The following SVEP1 variants were observed in gnomAD, a reference collection of about 807,000 sequenced individuals.
The protein encoded by SVEP1 is sushi, von Willebrand factor type A, EGF and pentraxin domain containing 1, also known as sushi, von Willebrand factor type A, EGF and pentraxin domain-containing protein 1.
In SVEP1, 164 loss-of-function variants were observed where a neutral mutation model predicts 367.3. That is an observed-to-expected ratio of 0.45 (90% CI 0.39 to 0.51). The LOEUF is 0.51. SVEP1 is among the 20% of genes least tolerant of loss of function. SVEP1 has a pLI of 0.00. For missense variants in SVEP1, 4,117 were observed against 4,425.3 expected (o/e 0.93, Z 1.98); for synonymous variants, 1,666 against 1,611.6 (o/e 1.03, Z -0.81).
intron 40 of SVEP1, among the ~76,000 whole-genome samples, chr9:110,397,217 A>G (rs796960308): frequency 2.0e-5 from 3 of 152,170 alleles, no homozygotes; most frequent in Non-Finnish European, 2.9e-5. Flanking sequence ...GTAATCCAGC[A>G]TATAAACAGA....
chr9:110,398,738 GA>G (rs1260865405), intron 40 of SVEP1, among the ~76,000 whole-genome samples: 1 of 152,166 alleles, frequency 6.6e-6, no homozygotes, highest in Non-Finnish European at 1.5e-5. Flanking sequence ...AAACACTCAT[GA>G]AAAAATGCTC....
chr9:110,565,022 G>A (rs1279077934), intron 1 of SVEP1, among the ~76,000 whole-genome samples: 1 of 152,120 alleles, frequency 6.6e-6, no homozygotes, highest in Non-Finnish European at 1.5e-5. Flanking sequence ...TACCATACTT[G>A]AAGAAAGATT....
At position 110,379,523 on chromosome 9, in the gene SVEP1, G is replaced by A. The variant is rs1374929247; in HGVS notation, c.10238-6C>T. Reference sequence around the variant, plus strand: ...TGGTGGACCACATGAGATTTCTACAGGATAACAAAACAACAATTAAGCTTG... The same window carrying A: ...TGGTGGACCACATGAGATTTCTACAAGATAACAAAACAACAATTAAGCTTG... On this transcript the variant is annotated splice_polypyrimidine_tract_variant and splice_region_variant and intron_variant, in intron 43 of 47. Transcript: ENST00000374469. 2.5e-6 allele frequency: 4 copies of A among 1,613,172 alleles called. No homozygotes were observed. The highest frequency in any genetic ancestry group is 2.7e-5 in the African/African-American group (2 of 74,908).
At chr9:110,397,038 C>T (rs1023227092) in intron 40 of SVEP1, among the ~76,000 whole-genome samples, 42 of 151,810 alleles carry the variant, frequency 2.8e-4, no homozygotes, top group Non-Finnish European at 5.3e-4. Flanking sequence ...GAGACACAAC[C>T]AAAAAAGAGA....
chr9:110,450,023 TA>T (rs1417765629), intron 24 of SVEP1, 35 bp downstream of exon 24: 1 of 1,607,388 alleles, frequency 6.2e-7, no homozygotes, highest in African/African-American at 1.3e-5. Flanking sequence ...GTTTAAAAAA[TA>T]AAAACAGTGA....
At chr9:110,509,695 G>A (rs1829679116) in intron 5 of SVEP1, among the ~76,000 whole-genome samples, 1 of 151,926 alleles carries the variant, frequency 6.6e-6, no homozygotes, top group Non-Finnish European at 1.5e-5. Flanking sequence ...AATATGAAGT[G>A]ACAGAAGCAG....
rs1308038317 is a variant in SVEP1 at position 110,392,151 on chromosome 9, A to ATATATATATATATATATATATATATATC, written c.9823-2565_9823-2564insGATATATATATATATATATATATATATA. On this transcript the variant is annotated intron_variant, in intron 40 of 47. Transcript: ENST00000374469. ...TTCCTCATTATATATATATATATAT[A>ATATATATATATATATATATATATATATC]TATCTCTTCTCTCTCTCTCCTATTG... 1.6e-3 allele frequency among the ~76,000 whole-genome samples: 237 copies of ATATATATATATATATATATATATATATC among 145,936 alleles called. 5 individuals carry two copies. The highest frequency in any genetic ancestry group is 5.9e-3 in the African/African-American group (220 of 37,304).
Position 110,512,365 on chromosome 9 carries a change from A to G in SVEP1, c.1303+561T>C, listed in dbSNP as rs1170264186. On this transcript the variant is annotated intron_variant, in intron 5 of 47. Coordinates refer to ENST00000374469, the MANE Select transcript of SVEP1 (RefSeq NM_153366.4). ...GCAAGTTGAGGCAGATTGAGGCACT[A>G]TTTTTTTTTTTTTATTGCTTCTCTG... Among the ~76,000 whole-genome samples the G allele has an allele frequency of 4.9e-5, 7 of 143,716 alleles. No homozygotes were observed. In the Admixed American group the frequency reaches 4.9e-4, roughly 10 times the overall value. The allele number at this position is 143,716 out of a possible 152,430, so 94.3% of individuals were successfully genotyped here. A position where few individuals can be genotyped will look rare whatever the true frequency, so the allele number is the denominator to read the frequency against.
Position 110,402,104 on chromosome 9 carries a change from ATAT to A in SVEP1, c.9667-1098_9667-1096del, listed in dbSNP as rs1395078401. The stretch of plus-strand genomic sequence containing the variant: ...AACACCAGTAACTGTTAAAAGCTAC[ATAT>A]TATTGTTTTCTTTTGCTATATGTGA... On this transcript the variant is annotated intron_variant, in intron 39 of 47. Transcript: ENST00000374469. Among the ~76,000 whole-genome samples, 10 of 152,214 alleles carry A rather than the reference ATAT, an allele frequency of 6.6e-5. No homozygotes were observed. The East Asian group carries it at 1.9e-3, about 29-fold the overall frequency.
At chr9:110,537,088 C>T (rs1421486857) in intron 3 of SVEP1, among the ~76,000 whole-genome samples, 6 of 151,880 alleles carry the variant, frequency 4.0e-5, no homozygotes, top group African/African-American at 1.4e-4. Context: ...AAGCTAATAA[C>T]TCATTTACGA....
chr9:110,463,861 T>G (rs1165032698), intron 18 of SVEP1, among the ~76,000 whole-genome samples: 1 of 152,148 alleles, frequency 6.6e-6, no homozygotes, highest in Admixed American at 6.5e-5. Context: ...CGCAGAAGAA[T>G]GTTAACTTTT....
At chr9:110,442,461 C>CTTTTTTTTT (rs11290774) in intron 27 of SVEP1, 1 of 133,468 alleles carries the variant, frequency 7.5e-6, no homozygotes. Context: ...TTTCTTTTTT[C>CTTTTTTTTT]TTTTTTTTTT....
intron 3 of SVEP1, among the ~76,000 whole-genome samples, chr9:110,518,776 CTT>C (rs150556745): frequency 6.6e-6 from 1 of 152,278 alleles, no homozygotes; most frequent in Non-Finnish European, 1.5e-5. Flanking sequence ...CATCATCTCT[CTT>C]CTGGTTTTTA....
At chr9:110,532,897 C>T (rs1789773460) in intron 3 of SVEP1, among the ~76,000 whole-genome samples, 1 of 152,082 alleles carries the variant, frequency 6.6e-6, no homozygotes, top group Non-Finnish European at 1.5e-5. Flanking sequence ...AGCAACAATC[C>T]CCAACATTTT....
At chr9:110,432,770 G>A in intron 30 of SVEP1, 135 bp from the exon 31 acceptor site, 1 of 1,006,658 alleles carries the variant, frequency 9.9e-7, no homozygotes, top group South Asian at 1.7e-5. Context: ...GGGTGTCCTA[G>A]GGATAGCAGC....
At chr9:110,437,636 A>G (rs1340843895) in intron 27 of SVEP1, among the ~76,000 whole-genome samples, 3 of 143,550 alleles carry the variant, frequency 2.1e-5, no homozygotes, top group Non-Finnish European at 3.0e-5. Context: ...TCCTTTAACT[A>G]CTCTTTTTTT....
chr9:110,388,825 C>T (rs1209349242), intron 41 of SVEP1, among the ~76,000 whole-genome samples: 1 of 151,718 alleles, frequency 6.6e-6, no homozygotes, highest in East Asian at 1.9e-4. Context: ...AAAAATTACC[C>T]GGGCATGGTG....
rs61732942 is a variant in SVEP1 at position 110,471,458 on chromosome 9, T to C, written c.2904A>G (p.Ala968=). 11,363 of 1,613,956 alleles carry C rather than the reference T, an allele frequency of 7.0e-3. 682 individuals carry two copies. In the African/African-American group the frequency reaches 0.13, roughly 18 times the overall value. Residue 968 remains alanine (A), a synonymous_variant, in exon 16 of 48, where the codon GCA becomes GCG. Transcript: ENST00000374469. ...TGCTGTCGGCTATAAGTATTTCTGATGCAAGCTGAAAGGAATACATGGGGT... is the reference window on the plus strand; with the variant it reads ...TGCTGTCGGCTATAAGTATTTCTGACGCAAGCTGAAAGGAATACATGGGGT... ...NKDPMYSFQL[A]SEILIADSNS...
chr9:110,384,991 T>G (rs910249466), intron 43 of SVEP1, among the ~76,000 whole-genome samples: 2 of 152,112 alleles, frequency 1.3e-5, no homozygotes, highest in Non-Finnish European at 2.9e-5. Flanking sequence ...TTTTATTTAG[T>G]TTTTGAGATG....
Sources: gnomAD v4.1 joint callset for allele counts (sites outside exome capture counted in the v4.1 genomes callset) on GRCh38, gnomAD v4.1.1 for gene constraint, MANE v1.5 for transcripts, NCBI Gene and HGNC (gene_info 2026-07-23, HGNC 2026-07-21) for gene names.